The following PLSCR2 variants were observed in gnomAD, a reference collection of about 807,000 sequenced individuals.
PLSCR2 encodes phospholipid scramblase 2.
A neutral mutation model predicts 25.3 loss-of-function variants in PLSCR2; 18 were observed. The observed-to-expected ratio is 0.71, with a 90% CI of 0.49 to 1.06. PLSCR2 has a LOEUF of 1.06. Ranked by LOEUF, PLSCR2 falls within the 50% of genes least tolerant of loss-of-function variation. PLSCR2 has a pLI of 0.00. For synonymous variants in PLSCR2, 88 were observed against 87.3 expected (o/e 1.01, Z -0.04); for missense variants, 243 against 269.5 (o/e 0.90, Z 0.69).
intron 3 of PLSCR2, among the ~76,000 whole-genome samples, chr3:146,457,667 G>A (rs2041296231): frequency 6.6e-6 from 1 of 152,178 alleles, no homozygotes; most frequent in African/African-American, 2.4e-5. Flanking sequence ...TTACTCACTT[G>A]GAAATGTACT....
intron 1 of PLSCR2, among the ~76,000 whole-genome samples, chr3:146,491,714 C>T (rs2043558461): frequency 6.6e-6 from 1 of 152,052 alleles, no homozygotes. Context: ...TTGGTGCTTC[C>T]TTAAAATGAC....
At chr3:146,440,230 A>C (rs961690374), downstream of PLSCR2, among the ~76,000 whole-genome samples, 3 of 152,170 alleles carry the variant, frequency 2.0e-5, no homozygotes, top group Non-Finnish European at 2.9e-5. Context: ...TCAGGGACCT[A>C]CTTGAGGAGG....
chr3:146,433,178 T>G (rs2039616163), downstream of PLSCR2: 1 of 152,190 alleles, frequency 6.6e-6, no homozygotes, highest in Non-Finnish European at 1.5e-5. Context: ...GTCATCATAT[T>G]TTTCAATTTT....
downstream of PLSCR2, among the ~76,000 whole-genome samples, chr3:146,429,066 C>T (rs1451155519): frequency 6.6e-6 from 1 of 152,150 alleles, no homozygotes; most frequent in Non-Finnish European, 1.5e-5. Context: ...ATCCATTTTG[C>T]ATTGCTTTAA....
At chr3:146,449,527 ATATT>A (rs1483587842) in intron 5 of PLSCR2, among the ~76,000 whole-genome samples, 160 bp from the exon 6 acceptor site, 4 of 152,244 alleles carry the variant, frequency 2.6e-5, no homozygotes, top group Non-Finnish European at 1.5e-5. Flanking sequence ...AGGCTCCTGT[ATATT>A]TATAGATACA....
exon 6 of PLSCR2, chr3:146,449,278 G>A: frequency 6.2e-7 from 1 of 1,612,134 alleles, no homozygotes; most frequent in East Asian, 2.2e-5. Context: ...GGATTCCAAA[G>A]TTGTCAGCAT....
chr3:146,423,559 A>AT (rs5853274), intron 2 of PLSCR2, among the ~76,000 whole-genome samples: 90,371 of 151,592 alleles, frequency 0.6, 27,159 homozygotes, highest in South Asian at 0.76. Context: ...GCTTTCCATC[A>AT]TTTTTTTCTA....
At chr3:146,405,851 C>T (rs934326292) in intron 2 of PLSCR2, among the ~76,000 whole-genome samples, 4 of 152,026 alleles carry the variant, frequency 2.6e-5, no homozygotes, top group Non-Finnish European at 2.9e-5. Context: ...ATTTTTCTCG[C>T]ACCTTTTAGA....
intron 1 of PLSCR2, chr3:146,495,826 G>A: frequency 8.3e-7 from 1 of 1,198,936 alleles, no homozygotes; most frequent in Non-Finnish European, 1.2e-6. Flanking sequence ...ACAAAAGGGA[G>A]TATGTAGTAG....
intron 2 of PLSCR2, among the ~76,000 whole-genome samples, chr3:146,407,297 T>C (rs935271388): frequency 6.6e-6 from 1 of 152,172 alleles, no homozygotes; most frequent in African/African-American, 2.4e-5. Flanking sequence ...AGGCAGCCTA[T>C]GTCGAGGGAT....
intron 8 of PLSCR2, among the ~76,000 whole-genome samples, chr3:146,434,101 C>CA: frequency 6.6e-6 from 1 of 152,122 alleles, no homozygotes; most frequent in Non-Finnish European, 1.5e-5. Context: ...GTTTTTACTA[C>CA]AAAATATTAT....
intron 1 of PLSCR2, among the ~76,000 whole-genome samples, chr3:146,490,865 A>G (rs1304671353): frequency 6.6e-6 from 1 of 152,092 alleles, no homozygotes; most frequent in Non-Finnish European, 1.5e-5. Context: ...CAATATCGAT[A>G]TGTGAGAATT....
chr3:146,438,962 C>T (rs1576627576), downstream of PLSCR2, among the ~76,000 whole-genome samples: 1 of 152,326 alleles, frequency 6.6e-6, no homozygotes, highest in Non-Finnish European at 1.5e-5. Context: ...TCTTGTAAGG[C>T]AGGCCTGGTG....
At chr3:146,464,914 T>A (rs2108453435), upstream of PLSCR2, among the ~76,000 whole-genome samples, 1 of 152,332 alleles carries the variant, frequency 6.6e-6, no homozygotes, top group Middle Eastern at 3.4e-3. Flanking sequence ...TATTAACAGC[T>A]GTATAGGAGG....
At chr3:146,397,039 C>T (rs1283931338) in intron 2 of PLSCR2, among the ~76,000 whole-genome samples, 1 of 152,140 alleles carries the variant, frequency 6.6e-6, no homozygotes, top group Non-Finnish European at 1.5e-5. Flanking sequence ...GAAGCTAGTT[C>T]TCTACATGCG....
At chr3:146,408,171 C>T (rs1009290505) in intron 2 of PLSCR2, among the ~76,000 whole-genome samples, 3 of 152,170 alleles carry the variant, frequency 2.0e-5, no homozygotes, top group Admixed American at 2.0e-4. Context: ...GCAGCCGCTA[C>T]AGCTCGCAGA....
At position 146,423,749 on chromosome 3, in the gene PLSCR2, G is replaced by A. The variant is rs543463034; in HGVS notation, c.101-27828C>T. On this transcript the variant is annotated intron_variant and NMD_transcript_variant, in intron 2 of 3. Coordinates refer to the PLSCR2 transcript ENST00000463633. Reference sequence around the variant, plus strand: ...GGAAAGCAGAAGAATTGAAGTCAGAGAATGGAGATGTTACAGTGGAAACAT... The same window carrying A: ...GGAAAGCAGAAGAATTGAAGTCAGAAAATGGAGATGTTACAGTGGAAACAT... 9.9e-5 allele frequency among the ~76,000 whole-genome samples: 15 copies of A among 152,206 alleles called. No individual in the cohort carries two copies. The South Asian group carries it at 3.1e-3, about 32-fold the overall frequency.
intron 1 of PLSCR2, chr3:146,469,214 C>G (rs1364870631): frequency 1.0e-6 from 1 of 985,484 alleles, no homozygotes; most frequent in African/African-American, 1.7e-5. Flanking sequence ...CCGCTCTCTA[C>G]CTGTAAAGCA....
intron 2 of PLSCR2, among the ~76,000 whole-genome samples, chr3:146,396,407 A>G (rs1380452753): frequency 6.6e-6 from 1 of 152,102 alleles, no homozygotes; most frequent in Non-Finnish European, 1.5e-5. Flanking sequence ...AGAGATACTC[A>G]TGTAAATATA....
Sources: allele counts gnomAD v4.1 joint callset (sites outside exome capture counted in the v4.1 genomes callset), GRCh38; gene constraint gnomAD v4.1.1; transcripts MANE v1.5; gene names NCBI Gene and HGNC (gene_info 2026-07-23, HGNC 2026-07-21).